The following ITGAV variants were observed in gnomAD, a reference collection of about 807,000 sequenced individuals.
ITGAV encodes integrin subunit alpha V.
In ITGAV, 76 loss-of-function variants were observed where a neutral mutation model predicts 143.8. The observed-to-expected ratio is 0.53, with a 90% CI of 0.44 to 0.64. ITGAV has a LOEUF of 0.64. Ranked by LOEUF, ITGAV falls within the 30% of genes least tolerant of loss-of-function variation. The pLI is 0.00. For missense variants in ITGAV, 1,193 were observed against 1,274.7 expected (o/e 0.94, Z 0.98); for synonymous variants, 453 against 446.7 (o/e 1.01, Z -0.18).
intron 7 of ITGAV, 37 bp from the exon 8 acceptor site, chr2:186,637,028 T>A: frequency 6.3e-7 from 1 of 1,587,268 alleles, no homozygotes; most frequent in Non-Finnish European, 8.7e-7. Context: ...GATAACGTCC[T>A]TGTCCTGATG....
intron 6 of ITGAV, among the ~76,000 whole-genome samples, chr2:186,635,058 A>G (rs780267651): frequency 2.0e-5 from 3 of 152,158 alleles, no homozygotes; most frequent in Non-Finnish European, 2.9e-5. Context: ...TGTAATAATT[A>G]GGACACAGTA....
At chr2:186,599,803 A>T (rs985025260) in intron 1 of ITGAV, among the ~76,000 whole-genome samples, 1 of 152,204 alleles carries the variant, frequency 6.6e-6, no homozygotes, top group African/African-American at 2.4e-5. Context: ...CTCAAGAAGG[A>T]AATCTAGGTG....
chr2:186,668,696 G>A (rs1434725238), intron 24 of ITGAV, 66 bp from the exon 25 acceptor site: 4 of 1,385,604 alleles, frequency 2.9e-6, no homozygotes, highest in South Asian at 1.3e-5. Flanking sequence ...TAAAGTTGAT[G>A]TAGGGGAAGG....
intron 13 of ITGAV, among the ~76,000 whole-genome samples, chr2:186,648,945 CATTTGTGTGTATATAT>C (rs1252770705): frequency 1.4e-5 from 2 of 143,508 alleles, no homozygotes; most frequent in Non-Finnish European, 3.0e-5. Flanking sequence ...TATATATATA[CATTTGTGTGTATATAT>C]ATATACATTT....
chr2:186,638,562 A>G (rs1688013408), intron 10 of ITGAV, 97 bp downstream of exon 10: 6 of 824,096 alleles, frequency 7.3e-6, no homozygotes, highest in Non-Finnish European at 1.2e-5. Context: ...ATGAACTATA[A>G]TCTCATCAAA....
At chr2:186,656,636 A>T (rs1688595313) in intron 17 of ITGAV, among the ~76,000 whole-genome samples, 2 of 152,168 alleles carry the variant, frequency 1.3e-5, no homozygotes, top group African/African-American at 4.8e-5. Flanking sequence ...TATGATAAAC[A>T]TATTTCTTAA....
chr2:186,636,010 G>T (rs958208845), intron 6 of ITGAV, 72 bp from the exon 7 acceptor site: 1 of 1,294,176 alleles, frequency 7.7e-7, no homozygotes. Flanking sequence ...CTTCATGCAG[G>T]TACCATACAT....
At chr2:186,676,754 A>G in intron 28 of ITGAV, 59 bp from the exon 29 acceptor site, 1 of 1,520,344 alleles carries the variant, frequency 6.6e-7, no homozygotes, top group Non-Finnish European at 9.0e-7. Context: ...ATTTACTCAG[A>G]TATTTGTTGA....
rs563751348 is a variant in ITGAV, at chr2:186,666,165, C to T, written c.2167-539C>T. Among the ~76,000 whole-genome samples, 214 of 152,208 alleles carry T rather than the reference C, an allele frequency of 1.4e-3. 1 individual carries two copies. The highest frequency in any genetic ancestry group is 5.0e-3 in the African/African-American group (208 of 41,532). On this transcript the variant is annotated intron_variant, in intron 21 of 29. Coordinates refer to ENST00000261023, the MANE Select transcript of ITGAV (RefSeq NM_002210.5). ...TCCCCAAGAAGCCTTCTTTTTTGTA[C>T]CTGGTGGTTCAATTGTTTTATTTAA... is the stretch of plus-strand genomic sequence containing the variant.
At position 186,637,120 on chromosome 2, in the gene ITGAV, C is replaced by T. The variant is rs201390608; in HGVS notation, c.802+11C>T. 1.9e-6 allele frequency: 3 copies of T among 1,598,982 alleles called. No individual in the cohort carries two copies. In the South Asian group the frequency reaches 3.3e-5, roughly 18 times the overall value. ...GTGATGGCATAGATGGTATGAAGTA[C>T]TTGAACTATATCTAATCTTTAAAAA... On this transcript the variant is annotated intron_variant, in intron 8 of 29. Transcript: ENST00000261023.
chr2:186,668,907 C>T lies in ITGAV; in HGVS notation c.2579C>T (p.Pro860Leu). 2 of 1,608,344 alleles carry T rather than the reference C, an allele frequency of 1.2e-6. No individual in the cohort carries two copies. Among genetic ancestry groups the T allele is most frequent in the South Asian group, 1.1e-5 (1 of 89,420 alleles). Residue 860 changes from proline (P) to leucine (L), a missense_variant, in exon 25 of 30, where the codon CCT becomes CTT. By Grantham distance (98) the Pro-to-Leu change is moderately conservative (BLOSUM62 -3). Coordinates refer to ENST00000261023, the MANE Select transcript of ITGAV (RefSeq NM_002210.5). ...TGCACTTCAGATATGGAGATCAACC[C>T]TTTGAGAATTAAGGTAATATGCTTA... ...MNCTSDMEIN[P>L]LRIKISSLQT...
At chr2:186,600,955 GTC>G in intron 1 of ITGAV, among the ~76,000 whole-genome samples, 1 of 142,974 alleles carries the variant, frequency 7.0e-6, no homozygotes, top group African/African-American at 2.7e-5. Flanking sequence ...GCAAGACTCT[GTC>G]TCAAAAAAAA....
chr2:186,645,959 G>A (rs1559057011), intron 12 of ITGAV, among the ~76,000 whole-genome samples: 1 of 151,990 alleles, frequency 6.6e-6, no homozygotes, highest in Non-Finnish European at 1.5e-5. Context: ...GGAAAAGAGC[G>A]GGACTCTGTC....
In ITGAV at chr2:186,664,654, C is replaced by A. The variant is rs1688838250; in HGVS notation, c.2073+13C>A. On this transcript the variant is annotated intron_variant, in intron 20 of 29. Coordinates refer to ENST00000261023, the MANE Select transcript of ITGAV (RefSeq NM_002210.5). ...CCGAAACAATGAAGTAAGCAGGCTG[C>A]CTCTTTAAAAATTGAAATGCACTCA... 1.2e-6 allele frequency: 2 copies of A among 1,613,738 alleles called. No individual in the cohort carries two copies. The highest frequency in any genetic ancestry group is 8.5e-7 in the Non-Finnish European group (1 of 1,179,844).
At chr2:186,644,580 T>C (rs1488752245) in intron 12 of ITGAV, among the ~76,000 whole-genome samples, 2 of 152,128 alleles carry the variant, frequency 1.3e-5, no homozygotes, top group East Asian at 3.9e-4. Flanking sequence ...CGCCTCGGCC[T>C]CTGAAAGTGC....
chr2:186,662,582 A>G (rs2105739851), intron 18 of ITGAV, among the ~76,000 whole-genome samples: 1 of 152,294 alleles, frequency 6.6e-6, no homozygotes, highest in South Asian at 2.1e-4. Context: ...TTGAATCTAC[A>G]TTTTCAACTG....
At chr2:186,625,688 A>T in intron 4 of ITGAV, 101 bp downstream of exon 4, 1 of 540,174 alleles carries the variant, frequency 1.9e-6, no homozygotes, top group East Asian at 3.9e-5. Flanking sequence ...TGAGAGAGAG[A>T]GATATTAAAA....
chr2:186,639,560 A>G (rs546267395), intron 10 of ITGAV, among the ~76,000 whole-genome samples: 11 of 152,264 alleles, frequency 7.2e-5, no homozygotes, highest in African/African-American at 2.6e-4. Flanking sequence ...CATGCACTCA[A>G]TGATACTTGC....
chr2:186,677,312 C>T lies in ITGAV; in HGVS notation c.*20C>T, dbSNP rs758014343. 1 of 1,563,496 alleles carries T rather than the reference C, an allele frequency of 6.4e-7. No homozygotes were observed. The highest frequency in any genetic ancestry group is 1.4e-5 in the African/African-American group (1 of 73,652). On this transcript the variant is annotated 3_prime_UTR_variant, in exon 30 of 30. Coordinates refer to ENST00000261023, the MANE Select transcript of ITGAV (RefSeq NM_002210.5). Reference sequence around the variant, plus strand: ...ACTTAACTGCAGTTTTTAAGTTATGCTACATCTTGACCCACTAGAATTAGC... The same window carrying T: ...ACTTAACTGCAGTTTTTAAGTTATGTTACATCTTGACCCACTAGAATTAGC...
Sources: allele counts gnomAD v4.1 joint callset (sites outside exome capture counted in the v4.1 genomes callset), GRCh38; gene constraint gnomAD v4.1.1; transcripts MANE v1.5; gene names NCBI Gene and HGNC (gene_info 2026-07-23, HGNC 2026-07-21).